KCNQ5: variants seen among roughly 807,000 people sequenced by gnomAD.
KCNQ5 encodes the protein potassium voltage-gated channel subfamily KQT member 5.
KCNQ5 carries 30 observed loss-of-function variants against 98.2 expected under a neutral mutation model. The ratio of observed to expected loss-of-function variants is 0.31; its 90% CI spans 0.23 to 0.41. KCNQ5 has a LOEUF of 0.41. Ranked by LOEUF, KCNQ5 falls within the 10% of genes least tolerant of loss-of-function variation. KCNQ5 has a pLI of 1.00. For synonymous variants in KCNQ5, 458 were observed against 449.4 expected (o/e 1.02, Z -0.24); for missense variants, 835 against 1,182.5 (o/e 0.71, Z 4.31).
chr6:72,962,560 G>A (rs1767427431), intron 1 of KCNQ5, among the ~76,000 whole-genome samples: 1 of 152,094 alleles, frequency 6.6e-6, no homozygotes, highest in African/African-American at 2.4e-5. Context: ...CCATGTCTGG[G>A]TCATGCATGG....
intron 1 of KCNQ5, among the ~76,000 whole-genome samples, chr6:72,634,614 G>T (rs2154471710): frequency 6.6e-6 from 1 of 152,260 alleles, no homozygotes; most frequent in South Asian, 2.1e-4. Flanking sequence ...TGCCCAGGCT[G>T]GAGTGCAGTG....
chr6:73,174,711 C>T (rs767836835), intron 11 of KCNQ5, among the ~76,000 whole-genome samples: 1 of 152,174 alleles, frequency 6.6e-6, no homozygotes, highest in Non-Finnish European at 1.5e-5. Context: ...CCTTGAGCAA[C>T]TCATATTCCC....
rs777536659 is a variant in KCNQ5, at chr6:73,195,102, T to C, written c.2487T>C (p.Ser829=). 1.4e-5 allele frequency: 23 copies of C among 1,614,094 alleles called. No homozygotes were observed. The highest frequency in any genetic ancestry group is 1.9e-5 in the Non-Finnish European group (22 of 1,180,046). Residue 829 remains serine (S), a synonymous_variant, in exon 14 of 14, where the codon TCT becomes TCC. Coordinates refer to ENST00000370398, the MANE Select transcript of KCNQ5 (RefSeq NM_019842.4). ...TGGTGCCGAAGGACTTGGGCAAATC[T>C]TTGTCTGTGCAAAACCTGATCAGGT... ...CPMVPKDLGK[S]LSVQNLIRST...
At chr6:73,055,402 A>G in intron 3 of KCNQ5, 2 of 1,514,664 alleles carry the variant, frequency 1.3e-6, no homozygotes. Flanking sequence ...AAACTGCTGC[A>G]AAACATAGTG....
At chr6:72,729,354 C>A (rs2154475701) in intron 1 of KCNQ5, among the ~76,000 whole-genome samples, 1 of 152,332 alleles carries the variant, frequency 6.6e-6, no homozygotes, top group East Asian at 1.9e-4. Flanking sequence ...GTGGCACAAT[C>A]TCAGCTCATG....
At chr6:73,012,531 T>C (rs1770116841) in intron 2 of KCNQ5, among the ~76,000 whole-genome samples, 1 of 151,682 alleles carries the variant, frequency 6.6e-6, no homozygotes, top group Admixed American at 6.6e-5. Flanking sequence ...AAGAAAAGAG[T>C]TAGGGAGATG....
chr6:73,122,444 C>T (rs1432088030), intron 8 of KCNQ5, among the ~76,000 whole-genome samples: 2 of 152,138 alleles, frequency 1.3e-5, no homozygotes, highest in Admixed American at 1.3e-4. Context: ...TTTTCCCTGT[C>T]TTAAGTGGGG....
intron 1 of KCNQ5, among the ~76,000 whole-genome samples, chr6:72,800,723 G>A (rs1774600544): frequency 6.6e-6 from 1 of 152,158 alleles, no homozygotes; most frequent in Non-Finnish European, 1.5e-5. Flanking sequence ...ATGTTAGGGT[G>A]TCAATTTTGG....
intron 2 of KCNQ5, among the ~76,000 whole-genome samples, chr6:73,023,729 A>T (rs1770719092): frequency 6.6e-6 from 1 of 152,152 alleles, no homozygotes; most frequent in South Asian, 2.1e-4. Context: ...GTCTTCATCC[A>T]AAGTCCTGGT....
intron 10 of KCNQ5, among the ~76,000 whole-genome samples, chr6:73,150,453 T>C (rs1777103923): frequency 6.8e-6 from 1 of 146,946 alleles, no homozygotes; most frequent in Admixed American, 6.9e-5. Flanking sequence ...ATATATAATA[T>C]ATATTTTATT....
intron 1 of KCNQ5, among the ~76,000 whole-genome samples, chr6:72,707,976 C>G (rs1472455710): frequency 6.6e-6 from 1 of 152,102 alleles, no homozygotes; most frequent in Non-Finnish European, 1.5e-5. Flanking sequence ...GAGCCACTGC[C>G]TCAAGCCAGA....
intron 1 of KCNQ5, among the ~76,000 whole-genome samples, chr6:72,773,873 G>C (rs1271045674): frequency 6.6e-6 from 1 of 152,064 alleles, no homozygotes; most frequent in Admixed American, 6.6e-5. Context: ...TTATAGAACT[G>C]TAGCATTTAA....
chr6:72,674,639 ATGTGC>A (rs1565073341), intron 1 of KCNQ5, among the ~76,000 whole-genome samples: 8 of 152,102 alleles, frequency 5.3e-5, no homozygotes, highest in African/African-American at 1.9e-4. Context: ...TTGCTGTAGC[ATGTGC>A]CTGTAGCCCC....
chr6:72,840,424 TG>T (rs999661562), intron 1 of KCNQ5, among the ~76,000 whole-genome samples: 5 of 152,288 alleles, frequency 3.3e-5, no homozygotes, highest in African/African-American at 1.2e-4. Context: ...ACACAAAACT[TG>T]GAGTCCTCTT....
chr6:72,888,191 A>G (rs929071307), intron 1 of KCNQ5, among the ~76,000 whole-genome samples: 1 of 152,172 alleles, frequency 6.6e-6, no homozygotes, highest in Non-Finnish European at 1.5e-5. Context: ...GTCTGCTAAG[A>G]AGTAGAAGGT....
chr6:73,015,008 G>C (rs1309259057), intron 2 of KCNQ5, among the ~76,000 whole-genome samples: 2 of 152,090 alleles, frequency 1.3e-5, no homozygotes, highest in African/African-American at 2.4e-5. Context: ...TGAGATGACA[G>C]TAGTCTTTAC....
chr6:72,894,889 A>G (rs1420878498), intron 1 of KCNQ5, among the ~76,000 whole-genome samples: 3 of 152,020 alleles, frequency 2.0e-5, no homozygotes, highest in African/African-American at 7.2e-5. Flanking sequence ...ATAGCCACAC[A>G]ACTATTATGT....
At chr6:73,061,563 A>G (rs145423923) in intron 3 of KCNQ5, among the ~76,000 whole-genome samples, 1 of 152,292 alleles carries the variant, frequency 6.6e-6, no homozygotes, top group East Asian at 1.9e-4. Context: ...GACAATGCCA[A>G]AGATAATTTA....
chr6:73,179,175 A>G (rs1194632635), intron 11 of KCNQ5, among the ~76,000 whole-genome samples: 1 of 152,190 alleles, frequency 6.6e-6, no homozygotes, highest in Non-Finnish European at 1.5e-5. Flanking sequence ...TTATAACAAT[A>G]TCTGAAACTG....
Sources: gnomAD v4.1 joint callset for allele counts (sites outside exome capture counted in the v4.1 genomes callset) on GRCh38, gnomAD v4.1.1 for gene constraint, MANE v1.5 for transcripts, NCBI Gene and HGNC (gene_info 2026-07-23, HGNC 2026-07-21) for gene names.